The following ATP6V1E1 variants were observed in gnomAD, a reference collection of about 807,000 sequenced individuals.
ATP6V1E1 encodes V-type proton ATPase subunit E 1.
A neutral mutation model predicts 35.2 loss-of-function variants in ATP6V1E1; 21 were observed. The observed-to-expected ratio is 0.60, with a 90% CI of 0.42 to 0.86. ATP6V1E1 has a LOEUF of 0.86. ATP6V1E1 is among the 40% of genes least tolerant of loss of function. The pLI, the probability that ATP6V1E1 is intolerant of heterozygous loss-of-function variation, is 0.00. For missense variants in ATP6V1E1, 183 were observed against 272.6 expected (o/e 0.67, Z 2.32); for synonymous variants, 83 against 87.8 (o/e 0.95, Z 0.30).
chr22:17,600,131 C>T lies in ATP6V1E1; in HGVS notation c.367-36G>A. On this transcript the variant is annotated intron_variant, in intron 5 of 8. Coordinates refer to ENST00000253413, the MANE Select transcript of ATP6V1E1 (RefSeq NM_001696.4). ...TAGTAGATACAGTCAGTAGAAAATG[C>T]AAACTATAAAATAAAGAAACAGGTC... is the stretch of plus-strand genomic sequence containing the variant. 1.9e-6 allele frequency: 3 copies of T among 1,573,990 alleles called. No homozygotes were observed. In the South Asian group the frequency reaches 3.3e-5, roughly 17 times the overall value.
intron 2 of ATP6V1E1, among the ~76,000 whole-genome samples, chr22:17,615,568 A>C (rs1443132171): frequency 6.6e-6 from 1 of 151,970 alleles, no homozygotes; most frequent in Non-Finnish European, 1.5e-5. Flanking sequence ...GCTTGAACCC[A>C]GGAGGCAGAG....
chr22:17,621,757 T>A (rs1053996522), intron 1 of ATP6V1E1, among the ~76,000 whole-genome samples: 6 of 152,206 alleles, frequency 3.9e-5, no homozygotes, highest in African/African-American at 1.4e-4. Flanking sequence ...ATTTGGAACA[T>A]TCTTCCTTCT....
In ATP6V1E1 at chr22:17,610,778, A is replaced by C. The variant is rs1408857772; in HGVS notation, c.276+2034T>G. Among the ~76,000 whole-genome samples the C allele has an allele frequency of 2.0e-5, 3 of 152,086 alleles. No individual in the cohort carries two copies. The East Asian group carries it at 5.8e-4, about 29-fold the overall frequency. On this transcript the variant is annotated intron_variant, in intron 4 of 8. Coordinates refer to ENST00000253413, the MANE Select transcript of ATP6V1E1 (RefSeq NM_001696.4). ...GAGGCTTTCTGGGCATTAGCACCCA[A>C]TAAGCTAAGAATATTTTATCTACAC...
intron 3 of ATP6V1E1, 36 bp from the exon 4 acceptor site, chr22:17,612,914 A>G (rs1366111313): frequency 1.3e-6 from 2 of 1,564,062 alleles, no homozygotes; most frequent in Non-Finnish European, 8.7e-7. Context: ...ATTAGTAACA[A>G]CTTAAAACTG....
chr22:17,628,382 C>G (rs1017743480), intron 1 of ATP6V1E1, among the ~76,000 whole-genome samples: 1 of 152,242 alleles, frequency 6.6e-6, no homozygotes, highest in Non-Finnish European at 1.5e-5. Context: ...AAGAAGGCAG[C>G]GCGCAGGCAA....
intron 8 of ATP6V1E1, 124 bp downstream of exon 8, chr22:17,594,405 T>G (rs1253702417): frequency 3.1e-5 from 24 of 784,400 alleles, no homozygotes. Context: ...CTCATTCTTT[T>G]TGAGAAAATG....
At chr22:17,593,304 A>G (rs912738898) in intron 8 of ATP6V1E1, among the ~76,000 whole-genome samples, 8 of 152,160 alleles carry the variant, frequency 5.3e-5, no homozygotes, top group African/African-American at 1.9e-4. Context: ...ACCTAAAGTC[A>G]CTACTATCTC....
intron 5 of ATP6V1E1, 102 bp from the exon 6 acceptor site, chr22:17,600,197 G>T: frequency 9.8e-7 from 1 of 1,022,672 alleles, no homozygotes; most frequent in South Asian, 1.5e-5. Flanking sequence ...CACTTTGGAA[G>T]GCCAAGGCGG....
At chr22:17,624,843 C>T (rs909924429) in intron 1 of ATP6V1E1, among the ~76,000 whole-genome samples, 1 of 152,020 alleles carries the variant, frequency 6.6e-6, no homozygotes, top group African/African-American at 2.4e-5. Context: ...TCATTTTGAT[C>T]TAGATTCCAA....
chr22:17,620,271 C>G (rs1038288830), intron 1 of ATP6V1E1, among the ~76,000 whole-genome samples: 3 of 151,802 alleles, frequency 2.0e-5, no homozygotes, highest in African/African-American at 4.8e-5. Context: ...CCTCAGCCTC[C>G]CGAGTAGCTG....
At chr22:17,605,695 T>TC (rs66870767) in intron 4 of ATP6V1E1, among the ~76,000 whole-genome samples, 55 of 59,280 alleles carry the variant, frequency 9.3e-4, no homozygotes, top group Admixed American at 2.3e-3. Context: ...ATGTTTCTCT[T>TC]TTTTTTTTTT....
At chr22:17,604,048 G>A (rs955301080) in intron 4 of ATP6V1E1, among the ~76,000 whole-genome samples, 15 of 152,174 alleles carry the variant, frequency 9.9e-5, no homozygotes, top group South Asian at 4.1e-4. Context: ...AGGCCAATTC[G>A]TTGAGTCTAA....
intron 1 of ATP6V1E1, among the ~76,000 whole-genome samples, chr22:17,627,158 CTTT>C (rs112782925): frequency 2.0e-5 from 3 of 146,924 alleles, no homozygotes; most frequent in Non-Finnish European, 4.5e-5. Context: ...CCCAGACAAT[CTTT>C]TTTTTTTTAT....
chr22:17,625,173 C>T (rs2057897538), intron 1 of ATP6V1E1, among the ~76,000 whole-genome samples: 1 of 152,104 alleles, frequency 6.6e-6, no homozygotes, highest in Admixed American at 6.6e-5. Context: ...TTAGCAGAAC[C>T]ACAAAATGAA....
intron 4 of ATP6V1E1, among the ~76,000 whole-genome samples, chr22:17,601,465 C>T (rs774829905): frequency 4.6e-5 from 7 of 152,134 alleles, no homozygotes; most frequent in Middle Eastern, 3.4e-3. Flanking sequence ...GAAAGATGCG[C>T]GCGATGTAAC....
chr22:17,598,644 G>T (rs1424656432), intron 6 of ATP6V1E1, among the ~76,000 whole-genome samples: 2 of 152,182 alleles, frequency 1.3e-5, no homozygotes, highest in African/African-American at 4.8e-5. Context: ...GGGAAGAGAA[G>T]TTTGGCTGCT....
intron 6 of ATP6V1E1, 48 bp downstream of exon 6, chr22:17,599,979 A>C: frequency 8.3e-7 from 1 of 1,208,870 alleles, no homozygotes; most frequent in Non-Finnish European, 1.1e-6. Context: ...GGAAGGAAGA[A>C]AGGGAGGGGG....
At chr22:17,628,366 G>A (rs1466967144) in intron 1 of ATP6V1E1, among the ~76,000 whole-genome samples, 2 of 152,246 alleles carry the variant, frequency 1.3e-5, no homozygotes, top group East Asian at 1.9e-4. Flanking sequence ...AAGAGCCAGG[G>A]CGTTCAAGAA....
intron 1 of ATP6V1E1, 144 bp downstream of exon 1, chr22:17,628,459 G>C: frequency 8.6e-7 from 1 of 1,158,332 alleles, no homozygotes; most frequent in Non-Finnish European, 1.3e-6. Flanking sequence ...TCCTCAGGCC[G>C]ACCTCTTGGA....
Sources: allele counts gnomAD v4.1 joint callset (sites outside exome capture counted in the v4.1 genomes callset), GRCh38; gene constraint gnomAD v4.1.1; transcripts MANE v1.5; gene names NCBI Gene and HGNC (gene_info 2026-07-23, HGNC 2026-07-21).